Variants in VWA5B2 observed in about 807,000 individuals in gnomAD.
VWA5B2 encodes the protein von Willebrand factor A domain-containing protein 5B2.
Under a neutral mutation model 118.5 loss-of-function variants are expected in VWA5B2, and 93 were observed. That is an observed-to-expected ratio of 0.79 (90% CI 0.66 to 0.93). VWA5B2 has a LOEUF of 0.93. Among genes scored for constraint, VWA5B2 ranks in the 40% least tolerant of loss-of-function variants. The pLI, the probability that VWA5B2 is intolerant of heterozygous loss-of-function variation, is 0.00. For missense variants in VWA5B2, 1,546 were observed against 1,672.8 expected, an observed-to-expected ratio of 0.92 and a Z score of 1.32; for synonymous variants, 708 against 716.3, an observed-to-expected ratio of 0.99 and a Z score of 0.19.
chr3:184,231,016 CA>C (rs1717342522), intron 3 of VWA5B2, 99 bp downstream of exon 3: 1 of 1,190,170 alleles, frequency 8.4e-7, no homozygotes, highest in South Asian at 4.3e-5. Context: ...TTCCTCCGGG[CA>C]CTGCCTTGTG....
At position 184,233,637 on chromosome 3, in the gene VWA5B2, G is replaced by C; in HGVS notation, c.592G>C (p.Ala198Pro). ...GGAAGGGCTGGCCTGGGAGGAGCTGGCTGCCCCTCGGGACGTGTTCTCAGG... is the reference window on the plus strand; with the variant it reads ...GGAAGGGCTGGCCTGGGAGGAGCTGCCTGCCCCTCGGGACGTGTTCTCAGG... The part of the protein sequence containing the change: ...QEEGLAWEEL[A>P]APRDVFSGPA... The change falls in exon 5 of 20, where the codon GCT (alanine) becomes CCT (proline). Residue 198 changes from alanine to proline, a missense_variant. Ala to Pro is a conservative substitution (Grantham distance 27, BLOSUM62 -1). Coordinates refer to ENST00000691901, the MANE Select transcript of VWA5B2 (RefSeq NM_001390846.1). The surrounding 1 kb of genome is among the most constrained non-coding windows in gnomAD (Gnocchi z 5.2). 3.2e-6 allele frequency: 5 copies of C among 1,551,290 alleles called. No homozygotes were observed. Among genetic ancestry groups the C allele is most frequent in the Non-Finnish European group, 4.4e-6 (5 of 1,146,960 alleles).
At position 184,241,611 on chromosome 3, in the gene VWA5B2, GC is replaced by G; in HGVS notation, c.3306del (p.Thr1103ProfsTer69). On this transcript the variant is annotated frameshift_variant, in exon 20 of 20. Transcript: ENST00000691901. LOFTEE classifies it high-confidence loss of function. This position sits in a 1 kb window ranked among gnomAD's most constrained non-coding sequence, Gnocchi z 5.1. ...SPFAVHRASL[S>X]PTSASLPWAL... ...TTTGCCGTGCACCGCGCCAGCCTCA[GC>G]CCCACCTCGGCCTCATTGCCCTGGG... 1 of 1,543,246 alleles carries G rather than the reference GC, an allele frequency of 6.5e-7. No individual in the cohort carries two copies. The highest frequency in any genetic ancestry group is 8.7e-7 in the Non-Finnish European group (1 of 1,146,574).
At position 184,241,513 on chromosome 3, in the gene VWA5B2, C is replaced by G. The variant is rs896658973; in HGVS notation, c.3204C>G (p.Gly1068=). ...AGGTGCGGCTGCAGGAGGCACCAGG[C>G]TCCTTCCGCCTGGACGCGCCCTTCT... ...LPLVRLQEAP[G]SFRLDAPFCA... The change falls in exon 20 of 20, where the codon GGC becomes GGG. Residue 1068 remains glycine, a synonymous_variant. Coordinates refer to ENST00000691901, the MANE Select transcript of VWA5B2 (RefSeq NM_001390846.1). This position sits in a 1 kb window ranked among gnomAD's most constrained non-coding sequence, Gnocchi z 5.1. 1 of 1,550,816 alleles carries G rather than the reference C, an allele frequency of 6.4e-7. No homozygotes were observed. Among genetic ancestry groups the G allele is most frequent in the Non-Finnish European group, 8.7e-7 (1 of 1,147,056 alleles).
In VWA5B2 at chr3:184,233,464, C is replaced by T. The variant is rs1004688116; in HGVS notation, c.530+67C>T. 1 of 1,501,174 alleles carries T rather than the reference C, an allele frequency of 6.7e-7. No homozygotes were observed. Among genetic ancestry groups the T allele is most frequent in the African/African-American group, 1.4e-5 (1 of 71,948 alleles). The allele number at this position is 1,501,174 out of a possible 1,614,324, so 93.0% of individuals were successfully genotyped here. A position where few individuals can be genotyped will look rare whatever the true frequency, so the allele number is the denominator to read the frequency against. On this transcript the variant is annotated intron_variant, in intron 4 of 19. Transcript: ENST00000691901. The surrounding 1 kb of genome is among the most constrained non-coding windows in gnomAD (Gnocchi z 5.2). Reference sequence around the variant, plus strand: ...TCTGGGTCTAGTGCGGGTGAGGGGGCACTGGCAGGGTACCCAGGGATGGGA... The same window carrying T: ...TCTGGGTCTAGTGCGGGTGAGGGGGTACTGGCAGGGTACCCAGGGATGGGA...
In VWA5B2 at chr3:184,237,407, C is replaced by T. The variant is rs1489153945; in HGVS notation, c.1715C>T (p.Pro572Leu). Residue 572 changes from proline to leucine, a missense_variant, in exon 12 of 20, where the codon CCA (proline) becomes CTA (leucine). Physicochemically the swap from Pro to Leu is moderately conservative, Grantham distance 98. This residue lies in a region of VWA5B2 where 775 missense variants were observed against 882.3 expected (regional missense o/e 0.88). Coordinates refer to ENST00000691901, the MANE Select transcript of VWA5B2 (RefSeq NM_001390846.1). The surrounding 1 kb of genome is among the most constrained non-coding windows in gnomAD (Gnocchi z 5.6). ...GTGGATGGCTTCCGGTCCCGCCCAC[C>T]AGGGGTAAGCTTGGGCTGGGGTGTG... ...FRVDGFRSRP[P>L]GGQEPGWQSS... 9.7e-6 allele frequency: 15 copies of T among 1,547,258 alleles called. No individual in the cohort carries two copies. The highest frequency in any genetic ancestry group is 1.4e-5 in the African/African-American group (1 of 72,952).
rs572062640 is a variant in VWA5B2, at chr3:184,233,279, C to T, written c.412C>T (p.Arg138Trp). ...CATGACGGTGACCCTGCACAGCAGCCGGGAGCTGCCCTCAAGGCCTGACGG... is the reference window on the plus strand; with the variant it reads ...CATGACGGTGACCCTGCACAGCAGCTGGGAGCTGCCCTCAAGGCCTGACGG... ...GTMTVTLHSS[R>W]ELPSRPDGVL... is the part of the protein sequence containing the mutation. The change falls in exon 4 of 20, where the codon CGG becomes TGG. Residue 138 changes from arginine to tryptophan, a missense_variant. By Grantham distance (101) the Arg-to-Trp change is moderately radical (BLOSUM62 -3). Coordinates refer to ENST00000691901, the MANE Select transcript of VWA5B2 (RefSeq NM_001390846.1). This position sits in a 1 kb window ranked among gnomAD's most constrained non-coding sequence, Gnocchi z 5.2. The T allele has an allele frequency of 4.8e-4, 736 of 1,544,484 alleles. 2 individuals carry two copies. The African/African-American group carries it at 8.0e-3, about 17-fold the overall frequency.
Position 184,239,754 on chromosome 3 carries a change from G to A in VWA5B2, c.2458G>A (p.Ala820Thr). Residue 820 changes from alanine (A) to threonine (T), a missense_variant, in exon 16 of 20, where the codon GCT (alanine) becomes ACT (threonine). Coordinates refer to ENST00000691901, the MANE Select transcript of VWA5B2 (RefSeq NM_001390846.1). This position sits in a 1 kb window ranked among gnomAD's most constrained non-coding sequence, Gnocchi z 5.1. ...MLMEPPFLFT[A>T]VPPSGELAPP... ...GATGGAACCACCCTTCTTATTCACGGCTGTGCCTCCTAGTGGGGAGTTGGC... is the reference window on the plus strand; with the variant it reads ...GATGGAACCACCCTTCTTATTCACGACTGTGCCTCCTAGTGGGGAGTTGGC... The A allele has an allele frequency of 1.3e-6, 2 of 1,520,692 alleles. No individual in the cohort carries two copies. The highest frequency in any genetic ancestry group is 1.8e-6 in the Non-Finnish European group (2 of 1,128,624). The allele number at this position is 1,520,692 out of a possible 1,614,324, so 94.2% of individuals were successfully genotyped here. A position where few individuals can be genotyped will look rare whatever the true frequency, so the allele number is the denominator to read the frequency against.
Position 184,241,493 on chromosome 3 carries a change from C to A in VWA5B2, c.3184C>A (p.Arg1062=). 1.9e-6 allele frequency: 3 copies of A among 1,552,172 alleles called. 1 individual carries two copies. The South Asian group carries it at 3.6e-5, about 19-fold the overall frequency. ...GSDHDYLPLV[R]LQEAPGSFRL... is the part of the protein sequence containing the mutation. ...CCCCCACCTCCTCTCTCCTCAGGTG[C>A]GGCTGCAGGAGGCACCAGGCTCCTT... Residue 1062 remains arginine, a synonymous_variant, in exon 20 of 20, where the codon CGG becomes AGG. Coordinates refer to ENST00000691901, the MANE Select transcript of VWA5B2 (RefSeq NM_001390846.1). This position sits in a 1 kb window ranked among gnomAD's most constrained non-coding sequence, Gnocchi z 5.1.
chr3:184,240,920 G>T lies in VWA5B2; in HGVS notation c.2870G>T (p.Cys957Phe). ...REVLPGALQV[C>F]SSEPAEPPGT... ...GTCCTGCCTGGGGCCCTGCAGGTGT[G>T]CAGCTCAGGTAGGGGCCTCTTCTGG... is the stretch of plus-strand genomic sequence containing the variant. Residue 957 changes from cysteine to phenylalanine, a missense_variant, in exon 17 of 20, where the codon TGC becomes TTC. Coordinates refer to ENST00000691901, the MANE Select transcript of VWA5B2 (RefSeq NM_001390846.1). 5 of 1,551,584 alleles carry T rather than the reference G, an allele frequency of 3.2e-6. No homozygotes were observed. The highest frequency in any genetic ancestry group is 4.4e-6 in the Non-Finnish European group (5 of 1,146,958).
Position 184,230,842 on chromosome 3 carries a change from C to A in VWA5B2, c.235C>A (p.Arg79Ser), listed in dbSNP as rs1479380011. The A allele has an allele frequency of 1.7e-5, 21 of 1,245,496 alleles. No individual in the cohort carries two copies. Among genetic ancestry groups the A allele is most frequent in the Non-Finnish European group, 2.1e-5 (21 of 995,230 alleles). 77.2% of individuals were successfully genotyped at this position (1,245,496 alleles called of 1,614,324 possible). Residue 79 changes from arginine to serine, a missense_variant, in exon 3 of 20, where the codon CGC becomes AGC. Transcript: ENST00000691901. The part of the protein sequence containing the change: ...RRVSFQLQSR[R>S]RSQAACCRAL... ...CGTCTCCTTCCAGCTGCAGAGCCGG[C>A]GCCGCTCGCAGGCCGCCTGCTGCCG... is the stretch of plus-strand genomic sequence containing the variant.
Position 184,240,113 on chromosome 3 carries a change from T to G in VWA5B2, c.2740+77T>G, listed in dbSNP as rs543685959. ...CAAAGGTAGAGGTCTGTGTGTTTGA[T>G]CACTCTCTATACCTCGCTTTGATCA... On this transcript the variant is annotated intron_variant, in intron 16 of 19. Transcript: ENST00000691901. 15 of 1,156,856 alleles carry G rather than the reference T, an allele frequency of 1.3e-5. No individual in the cohort carries two copies. In the African/African-American group the frequency reaches 2.2e-4, roughly 17 times the overall value. 71.7% of individuals were successfully genotyped at this position (1,156,856 alleles called of 1,614,324 possible).
chr3:184,241,146 G>C lies in VWA5B2; in HGVS notation c.2962+39G>C. On this transcript the variant is annotated intron_variant, in intron 18 of 19. Coordinates refer to ENST00000691901, the MANE Select transcript of VWA5B2 (RefSeq NM_001390846.1). The surrounding 1 kb of genome is among the most constrained non-coding windows in gnomAD (Gnocchi z 5.1). ...GTAGGGAAAGGGTAGGGGCACTTGG[G>C]CTTAGAGACCGCCCCCTGGCACTGA... 6.4e-7 allele frequency: 1 copy of C among 1,551,600 alleles called. No individual in the cohort carries two copies. Among genetic ancestry groups the C allele is most frequent in the Non-Finnish European group, 8.7e-7 (1 of 1,146,944 alleles).
rs1308262746 is a variant in VWA5B2, at chr3:184,230,425, T to C, written c.-104T>C. On this transcript the variant is annotated 5_prime_UTR_variant, in exon 2 of 20. Coordinates refer to ENST00000691901, the MANE Select transcript of VWA5B2 (RefSeq NM_001390846.1). The stretch of plus-strand genomic sequence containing the variant: ...GCCCCGGCAGGCCCCGTCCGGGTGC[T>C]GGAGTGAGACTCTCGCGCTGGCCTC... 5 of 1,277,902 alleles carry C rather than the reference T, an allele frequency of 3.9e-6. No homozygotes were observed. The allele number at this position is 1,277,902 out of a possible 1,614,324, so 79.2% of individuals were successfully genotyped here.
In VWA5B2 at chr3:184,233,421, C is replaced by A; in HGVS notation, c.530+24C>A. On this transcript the variant is annotated intron_variant, in intron 4 of 19. Transcript: ENST00000691901. The surrounding 1 kb of genome is among the most constrained non-coding windows in gnomAD (Gnocchi z 5.2). The stretch of plus-strand genomic sequence containing the variant: ...AGGTTGGGCCTATGGTGATTCTCTT[C>A]GTCCCTCCCTCGGCTTCTCTGGGTC... 1 of 1,506,546 alleles carries A rather than the reference C, an allele frequency of 6.6e-7. No individual in the cohort carries two copies. Among genetic ancestry groups the A allele is most frequent in the Non-Finnish European group, 8.9e-7 (1 of 1,127,002 alleles). The allele number at this position is 1,506,546 out of a possible 1,614,324, so 93.3% of individuals were successfully genotyped here.
chr3:184,241,331 G>T lies in VWA5B2; in HGVS notation c.3107G>T (p.Arg1036Leu), dbSNP rs771853049. ...CCCTGTCGGCTCAGCATGGGCCGCCGTCACAAACTCTGTAGCCCTGACCCG... is the reference window on the plus strand; with the variant it reads ...CCCTGTCGGCTCAGCATGGGCCGCCTTCACAAACTCTGTAGCCCTGACCCG... ...RPPCRLSMGR[R>L]HKLCSPDPGQ... The change falls in exon 19 of 20, where the codon CGT becomes CTT. Residue 1036 changes from arginine (R) to leucine (L), a missense_variant. Arg to Leu is a moderately radical substitution (Grantham distance 102). Coordinates refer to ENST00000691901, the MANE Select transcript of VWA5B2 (RefSeq NM_001390846.1). This position sits in a 1 kb window ranked among gnomAD's most constrained non-coding sequence, Gnocchi z 5.1. 1.2e-5 allele frequency: 19 copies of T among 1,551,536 alleles called. No homozygotes were observed. The African/African-American group carries it at 2.3e-4, about 19-fold the overall frequency.
chr3:184,241,810 G>A lies in VWA5B2; in HGVS notation c.3501G>A (p.Trp1167Ter). 3 of 1,511,384 alleles carry A rather than the reference G, an allele frequency of 2.0e-6. No individual in the cohort carries two copies. Among genetic ancestry groups the A allele is most frequent in the Non-Finnish European group, 2.7e-6 (3 of 1,131,096 alleles). 93.6% of individuals were successfully genotyped at this position (1,511,384 alleles called of 1,614,324 possible). ...GCACCGACCTGCGGGGCCGGACCTG[G>A]GCCACTGCCGTAGCACTCGCCTGGC... ...LGGTDLRGRT[W>*]ATAVALAWLE... The change falls in exon 20 of 20, where the codon TGG (tryptophan) becomes TGA (stop). Residue 1167 changes from tryptophan to a stop codon, truncating the protein, a stop_gained. Transcript: ENST00000691901. LOFTEE classifies it high-confidence loss of function. The surrounding 1 kb of genome is among the most constrained non-coding windows in gnomAD (Gnocchi z 5.1).
At chr3:184,232,013 G>T (rs1717444446) in intron 3 of VWA5B2, among the ~76,000 whole-genome samples, 1 of 152,166 alleles carries the variant, frequency 6.6e-6, no homozygotes, top group Non-Finnish European at 1.5e-5. Flanking sequence ...TTATAAGTAG[G>T]TTACAGTGGG....
At position 184,230,388 on chromosome 3, in the gene VWA5B2, G is replaced by T; in HGVS notation, c.-141G>T. The T allele has an allele frequency of 6.6e-6, 7 of 1,058,212 alleles. No individual in the cohort carries two copies. The highest frequency in any genetic ancestry group is 8.6e-6 in the Non-Finnish European group (7 of 810,708). The allele number at this position is 1,058,212 out of a possible 1,614,324, so 65.6% of individuals were successfully genotyped here. ...CCACCTGTCGCCCTCAGGAGCTCCC[G>T]CTCGGCCTCGCGCCCCGGCAGGCCC... On this transcript the variant is annotated 5_prime_UTR_variant, in exon 2 of 20. Coordinates refer to ENST00000691901, the MANE Select transcript of VWA5B2 (RefSeq NM_001390846.1).
chr3:184,240,076 G>A, intron 16 of VWA5B2, 40 bp downstream of exon 16: 1 of 1,444,124 alleles, frequency 6.9e-7, no homozygotes, highest in Non-Finnish European at 9.2e-7. Flanking sequence ...CAAAGGCATG[G>A]GCTAAAAACA....
Sources: gnomAD v4.1 joint callset for allele counts (sites outside exome capture counted in the v4.1 genomes callset) on GRCh38, gnomAD v4.1.1 for gene constraint, gnomAD v4.1.1 regional missense constraint, Gnocchi (gnomAD v3.1) non-coding constraint, MANE v1.5 for transcripts, NCBI Gene and HGNC (gene_info 2026-07-23, HGNC 2026-07-21) for gene names.